The following OPA3 variants were observed in gnomAD, a reference collection of about 807,000 sequenced individuals.
OPA3 encodes outer mitochondrial membrane lipid metabolism regulator OPA3.
In OPA3, 6 loss-of-function variants were observed where a neutral mutation model predicts 4.0. That is an observed-to-expected ratio of 1.51 (90% CI 0.83 to 2.99). The LOEUF is 2.99. Among genes scored for constraint, OPA3 ranks in the 30% most tolerant of loss-of-function variants. The probability of loss-of-function intolerance (pLI) is 0.00; values close to 1 mark genes in which losing one functional copy is unlikely to be tolerated. For missense variants in OPA3, 235 were observed against 256.2 expected (o/e 0.92, Z 0.56); for synonymous variants, 105 against 117.1 (o/e 0.90, Z 0.67).
Position 45,553,516 on chromosome 19 carries a change from ATTTC to A in OPA3, c.534_537del (p.Lys178AsnfsTer9), listed in dbSNP as rs778074016. 1 of 1,613,068 alleles carries A rather than the reference ATTTC, an allele frequency of 6.2e-7. No homozygotes were observed. The highest frequency in any genetic ancestry group is 8.5e-7 in the Non-Finnish European group (1 of 1,179,970). Reference sequence around the variant, plus strand: ...TTCAGGTTCCATCCAGCAAGCTCCTATTTCTTGGACGCAGGCACTGCGTGGGAAG... The same window carrying A: ...TTCAGGTTCCATCCAGCAAGCTCCTATTGGACGCAGGCACTGCGTGGGAAG... On this transcript the variant is annotated frameshift_variant, in exon 2 of 2. Transcript: ENST00000263275. LOFTEE classifies it high-confidence loss of function.
intron 1 of OPA3, among the ~76,000 whole-genome samples, chr19:45,578,963 C>G (rs1232360097): frequency 6.6e-6 from 1 of 152,172 alleles, no homozygotes; most frequent in Non-Finnish European, 1.5e-5. Flanking sequence ...ACAAACTGTC[C>G]CCCTTTCCCG....
intron 1 of OPA3, among the ~76,000 whole-genome samples, chr19:45,570,900 G>C (rs1051797397): frequency 1.2e-4 from 17 of 140,552 alleles, no homozygotes; most frequent in Non-Finnish European, 2.1e-4. Flanking sequence ...GACTCTCACA[G>C]AGGGTTTCAC....
At chr19:45,572,525 GATATAT>G (rs551652854) in intron 1 of OPA3, among the ~76,000 whole-genome samples, 2 of 119,304 alleles carry the variant, frequency 1.7e-5, no homozygotes, top group Non-Finnish European at 3.5e-5. Context: ...TGAGATATGA[GATATAT>G]ATATCATATG....
intron 1 of OPA3, among the ~76,000 whole-genome samples, chr19:45,576,939 CT>C (rs1220925610): frequency 6.6e-6 from 1 of 152,220 alleles, no homozygotes; most frequent in Non-Finnish European, 1.5e-5. Context: ...AGTCACTCTA[CT>C]GCCTACTGTG....
At position 45,553,627 on chromosome 19, in the gene OPA3, C is replaced by G. The variant is rs567096759; in HGVS notation, c.427G>C (p.Ala143Pro). 31 of 1,606,756 alleles carry G rather than the reference C, an allele frequency of 1.9e-5. No individual in the cohort carries two copies. Among genetic ancestry groups the G allele is most frequent in the African/African-American group, 4.0e-5 (3 of 74,974 alleles). Reference protein sequence around the residue: ...LEALQAQVQAAPPQGALEELR... With the variant: ...LEALQAQVQAPPPQGALEELR... Reference sequence around the variant, plus strand: ...TCCTCCAGGGCGCCCTGTGGCGGCGCCGCCTGCACCTGCGCCTGCAGCGCT... The same window carrying G: ...TCCTCCAGGGCGCCCTGTGGCGGCGGCGCCTGCACCTGCGCCTGCAGCGCT... Residue 143 changes from alanine to proline, a missense_variant, in exon 2 of 2, where the codon GCG (alanine) becomes CCG (proline). Ala to Pro is a conservative substitution (Grantham distance 27, BLOSUM62 -1). Transcript: ENST00000263275.
intron 1 of OPA3, among the ~76,000 whole-genome samples, chr19:45,577,482 A>C (rs1029256518): frequency 1.3e-5 from 2 of 152,180 alleles, no homozygotes; most frequent in Non-Finnish European, 2.9e-5. Flanking sequence ...AAGCCAGTAC[A>C]TTGCAATATC....
intron 1 of OPA3, among the ~76,000 whole-genome samples, chr19:45,533,229 T>G (rs1969078696): frequency 6.7e-6 from 1 of 149,786 alleles, no homozygotes; most frequent in Non-Finnish European, 1.5e-5. Context: ...GGAGTCTCAC[T>G]CTGACGCCCA....
chr19:45,581,042 G>A (rs1004696251), intron 1 of OPA3, among the ~76,000 whole-genome samples: 1 of 152,164 alleles, frequency 6.6e-6, no homozygotes, highest in African/African-American at 2.4e-5. Context: ...AAATCTCTGC[G>A]TATGACCTGA....
In OPA3 at chr19:45,553,365, C is replaced by T; in HGVS notation, c.*149G>A. The T allele has an allele frequency of 6.5e-7, 1 of 1,544,440 alleles. No individual in the cohort carries two copies. Among genetic ancestry groups the T allele is most frequent in the Non-Finnish European group, 8.7e-7 (1 of 1,151,822 alleles). On this transcript the variant is annotated 3_prime_UTR_variant, in exon 2 of 2. Coordinates refer to ENST00000263275, the MANE Select transcript of OPA3 (RefSeq NM_025136.4). ...TGCTGGTCCCAGTGGCAGGTAACGG[C>T]TGCTCTTATCAGCAGGGGTAACCAA...
chr19:45,561,421 T>C (rs1969500737), intron 1 of OPA3, among the ~76,000 whole-genome samples: 1 of 152,050 alleles, frequency 6.6e-6, no homozygotes, highest in Admixed American at 6.6e-5. Context: ...CCTTGTAAAA[T>C]GAAGGGAAGG....
chr19:45,535,321 A>G (rs1197720879), intron 1 of OPA3, among the ~76,000 whole-genome samples: 1 of 151,810 alleles, frequency 6.6e-6, no homozygotes, highest in East Asian at 1.9e-4. Flanking sequence ...GATGATAGGA[A>G]TAAACTGATT....
intron 1 of OPA3, among the ~76,000 whole-genome samples, chr19:45,583,191 C>A (rs1969881618): frequency 6.6e-6 from 1 of 152,030 alleles, no homozygotes; most frequent in Non-Finnish European, 1.5e-5. Context: ...TGCTCCGTCA[C>A]CCAGGCTGGA....
chr19:45,550,458 G>A lies in OPA3; in HGVS notation c.*3056C>T. 3 of 986,206 alleles carry A rather than the reference G, an allele frequency of 3.0e-6. No homozygotes were observed. The highest frequency in any genetic ancestry group is 3.6e-6 in the Non-Finnish European group (3 of 830,614). The allele number at this position is 986,206 out of a possible 1,614,324, so 61.1% of individuals were successfully genotyped here. A position where few individuals can be genotyped will look rare whatever the true frequency, so the allele number is the denominator to read the frequency against. On this transcript the variant is annotated 3_prime_UTR_variant, in exon 2 of 2. Transcript: ENST00000263275. The stretch of plus-strand genomic sequence containing the variant: ...ATCAACGCCACCTCTGGGATGGTCT[G>A]GGCCTCTGTGTAGAGATCGTCACCC...
At chr19:45,529,330 A>T in exon 2 of OPA3, 1 of 1,614,194 alleles carries the variant, frequency 6.2e-7, no homozygotes. Context: ...GGCGGTGATG[A>T]AGATGATGCC....
intron 1 of OPA3, among the ~76,000 whole-genome samples, chr19:45,529,717 GCT>G (rs1969037734): frequency 6.6e-6 from 1 of 152,102 alleles, no homozygotes; most frequent in South Asian, 2.1e-4. Context: ...AGATGCTGAT[GCT>G]CTTTTTTTTT....
In OPA3 at chr19:45,548,869, T is replaced by C; in HGVS notation, c.*4645A>G. ...CCCAGGCTGGAGTATAATGGCATGATCTCGGCTCACTGCAACCTCCGCCTC... is the reference window on the plus strand; with the variant it reads ...CCCAGGCTGGAGTATAATGGCATGACCTCGGCTCACTGCAACCTCCGCCTC... On this transcript the variant is annotated 3_prime_UTR_variant, in exon 2 of 2. Transcript: ENST00000263275. 1 of 522,622 alleles carries C rather than the reference T, an allele frequency of 1.9e-6. No individual in the cohort carries two copies. Among genetic ancestry groups the C allele is most frequent in the Non-Finnish European group, 2.5e-6 (1 of 407,722 alleles). The allele number at this position is 522,622 out of a possible 1,614,324, so 32.4% of individuals were successfully genotyped here.
rs1199042654 is a variant in OPA3, at chr19:45,548,344, C to G, written c.*5170G>C. On this transcript the variant is annotated 3_prime_UTR_variant, in exon 2 of 2. Transcript: ENST00000263275. The stretch of plus-strand genomic sequence containing the variant: ...GCAATGGCCTGCCCTACAGAGAAAC[C>G]AACAAGAGGGACAGCAGGGCCTGCC... The G allele has an allele frequency of 1.0e-6, 1 of 985,426 alleles. No individual in the cohort carries two copies. The highest frequency in any genetic ancestry group is 1.2e-6 in the Non-Finnish European group (1 of 830,014). The allele number at this position is 985,426 out of a possible 1,614,324, so 61.0% of individuals were successfully genotyped here.
chr19:45,529,527 C>T, intron 1 of OPA3: 3 of 1,571,812 alleles, frequency 1.9e-6, no homozygotes, highest in Non-Finnish European at 2.6e-6. Context: ...CTCTGTGCTT[C>T]GATGTCCCCG....
Position 45,547,885 on chromosome 19 carries a change from T to TG in OPA3, c.*5628dup, listed in dbSNP as rs1243349232. 1.3e-5 allele frequency: 2 copies of TG among 152,882 alleles called. No homozygotes were observed. The highest frequency in any genetic ancestry group is 4.8e-5 in the African/African-American group (2 of 41,410). 9.5% of individuals were successfully genotyped at this position (152,882 alleles called of 1,614,324 possible). A position where few individuals can be genotyped will look rare whatever the true frequency, so the allele number is the denominator to read the frequency against. ...GCTAATTTTGTATTTTTAGTAGAGA[T>TG]GGGGTTTCTCCATGTCGGTCAGGCT... On this transcript the variant is annotated 3_prime_UTR_variant, in exon 2 of 2. Transcript: ENST00000263275.
Sources: gnomAD v4.1 joint callset for allele counts (sites outside exome capture counted in the v4.1 genomes callset) on GRCh38, gnomAD v4.1.1 for gene constraint, MANE v1.5 for transcripts, NCBI Gene and HGNC (gene_info 2026-07-23, HGNC 2026-07-21) for gene names.